Variants in CNTNAP2 observed in about 807,000 individuals in gnomAD.
CNTNAP2 encodes contactin associated protein 2, also known as contactin-associated protein-like 2.
Under a neutral mutation model 155.2 loss-of-function variants are expected in CNTNAP2, and 98 were observed. The ratio of observed to expected loss-of-function variants is 0.63; its 90% CI spans 0.54 to 0.75. CNTNAP2 has a LOEUF of 0.75. Among genes scored for constraint, CNTNAP2 ranks in the 30% least tolerant of loss-of-function variants. CNTNAP2 has a pLI of 0.00. For missense variants in CNTNAP2, 1,727 were observed against 1,688.1 expected, an observed-to-expected ratio of 1.02 and a Z score of -0.40; for synonymous variants, 651 against 631.2, an observed-to-expected ratio of 1.03 and a Z score of -0.47.
intron 1 of CNTNAP2, among the ~76,000 whole-genome samples, chr7:146,399,798 T>C (rs990690345): frequency 6.6e-6 from 1 of 152,148 alleles, no homozygotes; most frequent in Non-Finnish European, 1.5e-5. Context: ...TGTACAGGGC[T>C]CCCCACCGCC....
intron 15 of CNTNAP2, among the ~76,000 whole-genome samples, chr7:148,055,443 C>G (rs968349498): frequency 2.0e-5 from 3 of 152,120 alleles, no homozygotes; most frequent in Non-Finnish European, 4.4e-5. Flanking sequence ...TGGAGCAAGC[C>G]AAATCTTCAT....
intron 15 of CNTNAP2, among the ~76,000 whole-genome samples, chr7:147,980,893 T>C (rs1277843924): frequency 7.7e-6 from 1 of 130,282 alleles, no homozygotes; most frequent in East Asian, 2.3e-4. Context: ...ATTGTGCCAC[T>C]GCACTCCGGC....
At position 146,671,184 on chromosome 7, in the gene CNTNAP2, T is replaced by C. The variant is rs6950473; in HGVS notation, c.98-103087T>C. Among the ~76,000 whole-genome samples, 956 of 152,260 alleles carry C rather than the reference T, an allele frequency of 6.3e-3. 9 individuals are homozygous for C. Among genetic ancestry groups the C allele is most frequent in the African/African-American group, 0.022 (915 of 41,550 alleles). ...ACAAAAGTAACTGATTAGTATCCTC[T>C]TTCTCTAGACAGTGAAGTCATTAGT... On this transcript the variant is annotated intron_variant, in intron 1 of 23. Coordinates refer to ENST00000361727, the MANE Select transcript of CNTNAP2 (RefSeq NM_014141.6).
intron 1 of CNTNAP2, among the ~76,000 whole-genome samples, chr7:146,521,769 C>G (rs1484643051): frequency 1.3e-5 from 2 of 151,972 alleles, no homozygotes; most frequent in Non-Finnish European, 2.9e-5. Flanking sequence ...AAGCAGACCT[C>G]TTAAATAGGA....
chr7:146,146,261 G>A (rs1205730678), intron 1 of CNTNAP2, among the ~76,000 whole-genome samples: 1 of 152,052 alleles, frequency 6.6e-6, no homozygotes, highest in Non-Finnish European at 1.5e-5. Context: ...TCTAATTAAA[G>A]ATATTTCAAT....
At chr7:147,644,005 A>AT (rs1795326463) in intron 13 of CNTNAP2, among the ~76,000 whole-genome samples, 1 of 152,186 alleles carries the variant, frequency 6.6e-6, no homozygotes, top group Admixed American at 6.5e-5. Context: ...AAAAATAATG[A>AT]TTTTGCCAGT....
chr7:147,280,724 A>G (rs1185869710), intron 8 of CNTNAP2, among the ~76,000 whole-genome samples: 1 of 151,964 alleles, frequency 6.6e-6, no homozygotes, highest in African/African-American at 2.4e-5. Flanking sequence ...TTTATGCTTT[A>G]ACATAGAAAT....
intron 21 of CNTNAP2, among the ~76,000 whole-genome samples, chr7:148,330,652 AATGGATGG>A (rs199892901): frequency 0.044 from 6,403 of 146,644 alleles, 614 homozygotes; most frequent in African/African-American, 0.16. Context: ...GGACGGATGG[AATGGATGG>A]ATGGATGGAT....
At chr7:147,952,305 G>A (rs1800948628) in intron 14 of CNTNAP2, among the ~76,000 whole-genome samples, 1 of 116,988 alleles carries the variant, frequency 8.5e-6, no homozygotes, top group South Asian at 3.9e-4. Context: ...AGCTGGGTGT[G>A]GTGGTGGATG....
intron 20 of CNTNAP2, among the ~76,000 whole-genome samples, chr7:148,247,377 A>C (rs1796280710): frequency 6.6e-6 from 1 of 151,954 alleles, no homozygotes; most frequent in Non-Finnish European, 1.5e-5. Context: ...ACCCTTCTCC[A>C]CCAAACCCGT....
At chr7:146,931,580 T>C (rs1796758864) in intron 3 of CNTNAP2, among the ~76,000 whole-genome samples, 1 of 150,044 alleles carries the variant, frequency 6.7e-6, no homozygotes, top group South Asian at 2.1e-4. Context: ...AAGAAATAAC[T>C]AAAATCAGAG....
chr7:147,322,906 G>A (rs1795379508), intron 9 of CNTNAP2, among the ~76,000 whole-genome samples: 1 of 121,316 alleles, frequency 8.2e-6, no homozygotes, highest in Non-Finnish European at 1.7e-5. Context: ...GTATTTCTGT[G>A]GGATCGGTGG....
At chr7:146,721,015 CTATA>C (rs1293192450) in intron 1 of CNTNAP2, among the ~76,000 whole-genome samples, 10 of 101,662 alleles carry the variant, frequency 9.8e-5, no homozygotes, top group South Asian at 7.7e-4. Flanking sequence ...TATATATACT[CTATA>C]TATTATATAT....
intron 3 of CNTNAP2, among the ~76,000 whole-genome samples, chr7:146,873,011 A>G (rs1423433181): frequency 6.6e-6 from 1 of 152,174 alleles, no homozygotes; most frequent in African/African-American, 2.4e-5. Flanking sequence ...TTACTGCATG[A>G]GAAATTGTGC....
intron 11 of CNTNAP2, among the ~76,000 whole-genome samples, chr7:147,491,728 A>G (rs944577014): frequency 6.6e-6 from 1 of 152,200 alleles, no homozygotes; most frequent in African/African-American, 2.4e-5. Context: ...TCTTTACAGT[A>G]AATTTATGAA....
chr7:147,420,507 T>C (rs1206514680), intron 10 of CNTNAP2, among the ~76,000 whole-genome samples: 2 of 152,178 alleles, frequency 1.3e-5, no homozygotes, highest in South Asian at 2.1e-4. Flanking sequence ...ATGATATTTA[T>C]TGAGGGTCAG....
intron 1 of CNTNAP2, 115 bp downstream of exon 1, chr7:146,117,088 G>A (rs999243353): frequency 4.1e-5 from 35 of 863,562 alleles, no homozygotes; most frequent in Non-Finnish European, 6.4e-5. Flanking sequence ...ATGTGTTTGT[G>A]TCTCCGCTGT....
intron 9 of CNTNAP2, among the ~76,000 whole-genome samples, chr7:147,346,150 TTTA>T (rs756852274): frequency 0.41 from 28,886 of 70,706 alleles, 3,772 homozygotes; most frequent in African/African-American, 0.56. Context: ...TTTATTTTAT[TTTA>T]TTTTTTTTTT....
At chr7:147,404,923 G>A (rs1796980807) in intron 10 of CNTNAP2, among the ~76,000 whole-genome samples, 1 of 152,136 alleles carries the variant, frequency 6.6e-6, no homozygotes, top group Admixed American at 6.5e-5. Flanking sequence ...AAAAAAGGTA[G>A]TGAAATGCCA....
Sources: gnomAD v4.1 joint callset for allele counts (sites outside exome capture counted in the v4.1 genomes callset) on GRCh38, gnomAD v4.1.1 for gene constraint, MANE v1.5 for transcripts, NCBI Gene and HGNC (gene_info 2026-07-23, HGNC 2026-07-21) for gene names.